SGCZ: variants seen among roughly 807,000 people sequenced by gnomAD.
SGCZ encodes the protein zeta-sarcoglycan.
Under a neutral mutation model 41.3 loss-of-function variants are expected in SGCZ, and 40 were observed. The ratio of observed to expected loss-of-function variants is 0.97; its 90% CI spans 0.75 to 1.26. The LOEUF is 1.26. SGCZ is among the 50% of genes most tolerant of loss of function. The pLI is 0.00. For synonymous variants in SGCZ, 206 were observed against 137.5 expected (o/e 1.50, Z -3.49); for missense variants, 552 against 369.8 (o/e 1.49, Z -4.04).
intron 1 of SGCZ, among the ~76,000 whole-genome samples, chr8:14,909,617 T>C (rs1471835705): frequency 6.6e-6 from 1 of 152,124 alleles, no homozygotes; most frequent in Non-Finnish European, 1.5e-5. Flanking sequence ...CATAAATATT[T>C]AAGTCTTTTA....
At chr8:15,142,327 G>T (rs1798913380) in intron 1 of SGCZ, among the ~76,000 whole-genome samples, 1 of 152,108 alleles carries the variant, frequency 6.6e-6, no homozygotes, top group African/African-American at 2.4e-5. Flanking sequence ...TCAACATAAT[G>T]CTTGAGTAAT....
chr8:14,341,476 G>T (rs535228710), intron 2 of SGCZ, among the ~76,000 whole-genome samples: 4 of 152,184 alleles, frequency 2.6e-5, no homozygotes, highest in Admixed American at 1.3e-4. Flanking sequence ...ATCCTAATGG[G>T]TGTGAAGTGG....
chr8:14,388,963 A>G (rs1473923484), intron 2 of SGCZ, among the ~76,000 whole-genome samples: 1 of 152,094 alleles, frequency 6.6e-6, no homozygotes, highest in Non-Finnish European at 1.5e-5. Flanking sequence ...TGTACAATAA[A>G]TATCTTTTAA....
intron 1 of SGCZ, among the ~76,000 whole-genome samples, chr8:14,702,813 GTAGATAGATAGATAGATAGA>G (rs71209077): frequency 0.072 from 8,253 of 114,988 alleles, 384 homozygotes; most frequent in Non-Finnish European, 0.082. Context: ...AGGTAGTTAG[GTAGATAGATAGATAGATAGA>G]TAGATAGATA....
chr8:14,713,353 C>G (rs973530049), intron 1 of SGCZ, among the ~76,000 whole-genome samples: 3 of 152,102 alleles, frequency 2.0e-5, no homozygotes, highest in African/African-American at 7.2e-5. Context: ...ACATAACTAT[C>G]ACTATTACTA....
In SGCZ at chr8:15,015,675, G is replaced by A. The variant is rs574000797; in HGVS notation, c.39+221910C>T. ...TGCACTCCAGCGTAGGCAACAGAGAGAGACTCCATCTCAAAAAAAAAAAAA... is the reference window on the plus strand; with the variant it reads ...TGCACTCCAGCGTAGGCAACAGAGAAAGACTCCATCTCAAAAAAAAAAAAA... On this transcript the variant is annotated intron_variant, in intron 1 of 7. Transcript: ENST00000382080. Among the ~76,000 whole-genome samples the A allele has an allele frequency of 2.5e-3, 265 of 108,148 alleles. 10 individuals carry two copies. In the South Asian group the frequency reaches 0.068, roughly 28 times the overall value. The allele number at this position is 108,148 out of a possible 152,430, so 70.9% of individuals were successfully genotyped here.
intron 1 of SGCZ, among the ~76,000 whole-genome samples, chr8:15,152,893 G>C (rs920515995): frequency 2.6e-5 from 4 of 152,180 alleles, no homozygotes; most frequent in East Asian, 1.9e-4. Flanking sequence ...GTTCATAGCA[G>C]ATGGTGTCAA....
At chr8:14,489,898 G>A (rs11785159) in intron 2 of SGCZ, among the ~76,000 whole-genome samples, 67,473 of 129,384 alleles carry the variant, frequency 0.52, 16,510 homozygotes, top group East Asian at 0.72. Flanking sequence ...ATGGAGTCTC[G>A]CTCTGTCGCC....
At chr8:15,017,022 A>C (rs1226682132) in intron 1 of SGCZ, among the ~76,000 whole-genome samples, 2 of 152,184 alleles carry the variant, frequency 1.3e-5, no homozygotes, top group Non-Finnish European at 2.9e-5. Flanking sequence ...ACCTCCCACT[A>C]GACTCCACCT....
At chr8:14,802,602 C>G (rs1801358780) in intron 1 of SGCZ, among the ~76,000 whole-genome samples, 1 of 151,642 alleles carries the variant, frequency 6.6e-6, no homozygotes, top group African/African-American at 2.4e-5. Context: ...CATACAAACA[C>G]AGAGAGAGAG....
chr8:15,133,107 C>G lies in SGCZ; in HGVS notation c.39+104478G>C, dbSNP rs182205977. ...GCAGTGAGTCAAGATCATACCACTGCACTCCAGCCTCAGAGACAGAGTGAT... is the reference window on the plus strand; with the variant it reads ...GCAGTGAGTCAAGATCATACCACTGGACTCCAGCCTCAGAGACAGAGTGAT... On this transcript the variant is annotated intron_variant, in intron 1 of 7. Transcript: ENST00000382080. 3.5e-3 allele frequency among the ~76,000 whole-genome samples: 534 copies of G among 152,150 alleles called. 12 individuals are homozygous for G. The highest frequency in any genetic ancestry group is 0.03 in the Admixed American group (462 of 15,268).
intron 7 of SGCZ, among the ~76,000 whole-genome samples, chr8:14,092,760 G>C (rs1801727759): frequency 6.6e-6 from 1 of 152,010 alleles, no homozygotes; most frequent in Non-Finnish European, 1.5e-5. Flanking sequence ...CAGCCTCGTG[G>C]AAGTGTGAAT....
intron 1 of SGCZ, among the ~76,000 whole-genome samples, chr8:15,057,096 C>T (rs1804737470): frequency 6.6e-6 from 1 of 152,192 alleles, no homozygotes. Flanking sequence ...CATCGCTGTT[C>T]CCCGATTACC....
chr8:14,760,028 AG>A (rs1799811494), intron 1 of SGCZ, among the ~76,000 whole-genome samples: 2 of 152,342 alleles, frequency 1.3e-5, no homozygotes, highest in South Asian at 2.1e-4. Flanking sequence ...ACAGAGTGTT[AG>A]GTCTATTCTA....
chr8:14,105,099 T>C (rs557830500), intron 6 of SGCZ, among the ~76,000 whole-genome samples: 1 of 152,228 alleles, frequency 6.6e-6, no homozygotes, highest in East Asian at 1.9e-4. Flanking sequence ...CTGTTATGTC[T>C]TTGTTAACTA....
intron 1 of SGCZ, among the ~76,000 whole-genome samples, chr8:15,041,757 A>G (rs1249848785): frequency 2.9e-5 from 4 of 136,172 alleles, no homozygotes; most frequent in Non-Finnish European, 5.2e-5. Context: ...AGACTTTTTA[A>G]TTCTTATATG....
At chr8:14,265,862 A>G (rs75963807) in intron 3 of SGCZ, among the ~76,000 whole-genome samples, 1,910 of 152,044 alleles carry the variant, frequency 0.013, 48 homozygotes, top group African/African-American at 0.042. Context: ...AAGAGCATCA[A>G]TAGCAGAACT....
intron 1 of SGCZ, among the ~76,000 whole-genome samples, chr8:14,870,407 C>T (rs772255147): frequency 6.6e-6 from 1 of 152,140 alleles, no homozygotes; most frequent in African/African-American, 2.4e-5. Flanking sequence ...AAACTGGACC[C>T]TTTCTTACAC....
chr8:14,989,594 C>A (rs1801938397), intron 1 of SGCZ, among the ~76,000 whole-genome samples: 1 of 151,996 alleles, frequency 6.6e-6, no homozygotes, highest in Non-Finnish European at 1.5e-5. Flanking sequence ...GGGATTCTTT[C>A]CTTTAAGGGA....
Sources: allele counts gnomAD v4.1 joint callset (sites outside exome capture counted in the v4.1 genomes callset), GRCh38; gene constraint gnomAD v4.1.1; transcripts MANE v1.5; gene names NCBI Gene and HGNC (gene_info 2026-07-23, HGNC 2026-07-21).